NIN: variants seen among roughly 807,000 people sequenced by gnomAD.
NIN encodes ninein.
Under a neutral mutation model 257.6 loss-of-function variants are expected in NIN, and 137 were observed. That is an observed-to-expected ratio of 0.53 (90% CI 0.46 to 0.61). NIN has a LOEUF of 0.61. NIN is among the 20% of genes least tolerant of loss of function. The pLI, the probability that NIN is intolerant of heterozygous loss-of-function variation, is 0.00. For missense variants in NIN, 2,439 were observed against 2,501.2 expected (o/e 0.98, Z 0.53); for synonymous variants, 918 against 919.8 (o/e 1.00, Z 0.04).
At chr14:50,800,301 T>C (rs2044040758) in intron 4 of NIN, among the ~76,000 whole-genome samples, 1 of 152,216 alleles carries the variant, frequency 6.6e-6, no homozygotes, top group Non-Finnish European at 1.5e-5. Context: ...GACTATCCAT[T>C]ATCTGAAAGG....
intron 27 of NIN, among the ~76,000 whole-genome samples, chr14:50,736,011 T>C (rs969917499): frequency 2.0e-5 from 3 of 152,246 alleles, no homozygotes; most frequent in African/African-American, 7.2e-5. Context: ...ATTAAATTGA[T>C]TTCATTATCC....
chr14:50,725,769 C>A (rs1276324306), intron 30 of NIN, 184 bp downstream of exon 30: 1 of 1,043,952 alleles, frequency 9.6e-7, no homozygotes, highest in Middle Eastern at 2.2e-4. Context: ...GGAAAAAATA[C>A]AGAGTTCGTA....
At chr14:50,796,178 G>A (rs926090589) in intron 4 of NIN, among the ~76,000 whole-genome samples, 1 of 152,010 alleles carries the variant, frequency 6.6e-6, no homozygotes. Context: ...AATTAAAGTG[G>A]GCTTCAAAGG....
chr14:50,794,528 A>T, intron 4 of NIN: 2 of 980,868 alleles, frequency 2.0e-6, no homozygotes, highest in Non-Finnish European at 2.4e-6. Context: ...CACAGATGCT[A>T]GTCAGATAAG....
At chr14:50,739,276 C>T (rs768206038) in intron 26 of NIN, 32 bp downstream of exon 26, 3 of 1,605,288 alleles carry the variant, frequency 1.9e-6, no homozygotes, top group Middle Eastern at 1.7e-4. Flanking sequence ...CATTTTCAAA[C>T]ATATGCCATG....
chr14:50,750,316 G>C (rs994625016), intron 21 of NIN, among the ~76,000 whole-genome samples: 1 of 152,010 alleles, frequency 6.6e-6, no homozygotes. Flanking sequence ...ATCTAGCTTT[G>C]TATACATATT....
chr14:50,767,757 C>T (rs898178995), intron 12 of NIN, among the ~76,000 whole-genome samples: 1 of 149,224 alleles, frequency 6.7e-6, no homozygotes, highest in African/African-American at 2.5e-5. Flanking sequence ...GTGGAGCTTG[C>T]AGTGAGCCGA....
chr14:50,803,102 C>A (rs1566863622), intron 4 of NIN, among the ~76,000 whole-genome samples: 1 of 152,160 alleles, frequency 6.6e-6, no homozygotes, highest in African/African-American at 2.4e-5. Context: ...GCCTGTAATC[C>A]CAGCACTTTG....
At position 50,776,957 on chromosome 14, in the gene NIN, C is replaced by T. The variant is rs1487163291; in HGVS notation, c.658G>A (p.Asp220Asn). 1 of 1,611,634 alleles carries T rather than the reference C, an allele frequency of 6.2e-7. No homozygotes were observed. Among genetic ancestry groups the T allele is most frequent in the East Asian group, 2.2e-5 (1 of 44,864 alleles). Residue 220 changes from aspartate (D) to asparagine (N), a missense_variant, in exon 7 of 31, where the codon GAT (aspartate) becomes AAT (asparagine). By Grantham distance (23) the Asp-to-Asn change is conservative (BLOSUM62 1). Coordinates refer to ENST00000530997, the MANE Select transcript of NIN (RefSeq NM_020921.4). ...ICEQYGLQNV[D>N]GEMLEEVFHN... ...TATACTGCGAGGCTTACCTCTCCATCCACATTCTGTAAACCATACTGCTCA... is the reference window on the plus strand; with the variant it reads ...TATACTGCGAGGCTTACCTCTCCATTCACATTCTGTAAACCATACTGCTCA...
chr14:50,771,040 C>T lies in NIN; in HGVS notation c.1119-48G>A, dbSNP rs372835753. ...TTAATGGGAAACTGTTTCTAAGCAA[C>T]AAGTAGACCCAGAAAAGCTCTCATC... is the stretch of plus-strand genomic sequence containing the variant. On this transcript the variant is annotated intron_variant, in intron 10 of 30. Coordinates refer to ENST00000530997, the MANE Select transcript of NIN (RefSeq NM_020921.4). 6 of 1,583,308 alleles carry T rather than the reference C, an allele frequency of 3.8e-6. No homozygotes were observed. In the Admixed American group the frequency reaches 5.4e-5, roughly 14 times the overall value.
chr14:50,726,621 G>C (rs149612020), intron 29 of NIN, among the ~76,000 whole-genome samples: 182 of 152,294 alleles, frequency 1.2e-3, no homozygotes, highest in African/African-American at 4.0e-3. Context: ...TTTCCCACTT[G>C]TAAATGTGAA....
chr14:50,739,256 T>C (rs2041153067), intron 26 of NIN, 52 bp downstream of exon 26: 4 of 1,557,054 alleles, frequency 2.6e-6, no homozygotes, highest in Non-Finnish European at 3.5e-6. Flanking sequence ...CATTTTCCTA[T>C]CAAACTAGTC....
rs758289083 is a variant in NIN at position 50,778,757 on chromosome 14, G to A, written c.475+8C>T. 4 of 1,613,832 alleles carry A rather than the reference G, an allele frequency of 2.5e-6. No homozygotes were observed. In the Admixed American group the frequency reaches 6.7e-5, roughly 27 times the overall value. On this transcript the variant is annotated splice_region_variant and intron_variant, in intron 6 of 30. Coordinates refer to ENST00000530997, the MANE Select transcript of NIN (RefSeq NM_020921.4). Reference sequence around the variant, plus strand: ...TTCCAGGCACGTCCTGACACACTCGGCTCTTACCTTCCGCTTCATACTCCT... The same window carrying A: ...TTCCAGGCACGTCCTGACACACTCGACTCTTACCTTCCGCTTCATACTCCT...
At position 50,808,158 on chromosome 14, in the gene NIN, C is replaced by G. The variant is rs569104351; in HGVS notation, c.184-1340G>C. On this transcript the variant is annotated intron_variant, in intron 3 of 30. Coordinates refer to ENST00000530997, the MANE Select transcript of NIN (RefSeq NM_020921.4). ...GGAAAACCAGGCACCTGCTGAAGAT[C>G]CAGGGAGGCACAATCTTTGAAAGGG... Among the ~76,000 whole-genome samples the G allele has an allele frequency of 1.1e-4, 16 of 152,268 alleles. 1 individual carries two copies. In the Middle Eastern group the frequency reaches 0.027, roughly 259 times the overall value.
At chr14:50,725,688 G>A (rs2040380897) in intron 30 of NIN, 2 of 541,696 alleles carry the variant, frequency 3.7e-6, no homozygotes, top group Non-Finnish European at 6.5e-6. Context: ...AAAATCTTAG[G>A]TCCATGTAAA....
intron 5 of NIN, among the ~76,000 whole-genome samples, chr14:50,781,305 G>A (rs2043125135): frequency 6.6e-6 from 1 of 152,054 alleles, no homozygotes; most frequent in East Asian, 1.9e-4. Context: ...AATGGCAGGA[G>A]AATATGTTAT....
intron 14 of NIN, among the ~76,000 whole-genome samples, chr14:50,764,370 G>C (rs2042391805): frequency 1.3e-5 from 2 of 152,198 alleles, no homozygotes; most frequent in Admixed American, 1.3e-4. Context: ...GACTGTTGGT[G>C]AAGAAGTGGA....
intron 27 of NIN, among the ~76,000 whole-genome samples, chr14:50,737,927 G>A (rs1392803362): frequency 1.3e-5 from 2 of 152,120 alleles, no homozygotes; most frequent in Admixed American, 1.3e-4. Flanking sequence ...TTACAGGCAT[G>A]AGCCACCACA....
intron 4 of NIN, among the ~76,000 whole-genome samples, chr14:50,803,880 C>G (rs1045896092): frequency 6.7e-6 from 1 of 148,910 alleles, no homozygotes; most frequent in African/African-American, 2.5e-5. Context: ...GGGGTAGAGT[C>G]ACTTTTTTTT....
Sources: allele counts gnomAD v4.1 joint callset (sites outside exome capture counted in the v4.1 genomes callset), GRCh38; gene constraint gnomAD v4.1.1; transcripts MANE v1.5; gene names NCBI Gene and HGNC (gene_info 2026-07-23, HGNC 2026-07-21).